The following DISC1 variants were observed in gnomAD, a reference collection of about 807,000 sequenced individuals.
DISC1 encodes the protein DISC1 scaffold protein.
A neutral mutation model predicts 84.5 loss-of-function variants in DISC1; 57 were observed. The observed-to-expected ratio is 0.67, with a 90% CI of 0.55 to 0.84. The LOEUF is 0.84. DISC1 is among the 40% of genes least tolerant of loss of function. The pLI, the probability that DISC1 is intolerant of heterozygous loss-of-function variation, is 0.00. For missense variants in DISC1, 1,000 were observed against 1,057.8 expected (o/e 0.95, Z 0.76); for synonymous variants, 411 against 415.2 (o/e 0.99, Z 0.12).
chr1:231,658,593 A>C (rs2061327798), intron 1 of DISC1, among the ~76,000 whole-genome samples: 1 of 152,208 alleles, frequency 6.6e-6, no homozygotes, highest in African/African-American at 2.4e-5. Context: ...TTGCCCAGTC[A>C]GTATGATATT....
chr1:231,873,956 C>T (rs565097162), intron 9 of DISC1, among the ~76,000 whole-genome samples: 1 of 152,190 alleles, frequency 6.6e-6, no homozygotes. Context: ...TCAAGCAACT[C>T]TCCTGCCTCG....
intron 9 of DISC1, among the ~76,000 whole-genome samples, chr1:231,883,756 T>TGC (rs1177067291): frequency 2.0e-5 from 3 of 152,076 alleles, no homozygotes; most frequent in African/African-American, 7.2e-5. Context: ...CTTCTCTAAC[T>TGC]ACATGGGGAT....
intron 2 of DISC1, 129 bp from the exon 3 acceptor site, chr1:231,701,826 G>GT (rs931226217): frequency 0.023 from 17,122 of 734,890 alleles, no homozygotes; most frequent in South Asian, 0.026. Flanking sequence ...GTGCATTTTT[G>GT]TTTTTTTTTT....
chr1:231,680,712 C>G (rs147350887), intron 1 of DISC1, among the ~76,000 whole-genome samples: 340 of 152,318 alleles, frequency 2.2e-3, no homozygotes, highest in African/African-American at 7.8e-3. Flanking sequence ...TAAGAACTTA[C>G]TTAAAAGATG....
At chr1:231,870,867 A>AT (rs2085407260) in intron 9 of DISC1, among the ~76,000 whole-genome samples, 1 of 152,240 alleles carries the variant, frequency 6.6e-6, no homozygotes. Flanking sequence ...TTTAGATTAT[A>AT]TTTTAAAGAA....
intron 9 of DISC1, among the ~76,000 whole-genome samples, chr1:231,905,962 A>G (rs562275604): frequency 6.7e-6 from 1 of 149,054 alleles, no homozygotes; most frequent in Non-Finnish European, 1.5e-5. Flanking sequence ...TTTGTACTAT[A>G]TTTGTAACTT....
At chr1:231,772,430 GAAGAA>G (rs2076623223) in intron 6 of DISC1, among the ~76,000 whole-genome samples, 1 of 152,196 alleles carries the variant, frequency 6.6e-6, no homozygotes, top group Non-Finnish European at 1.5e-5. Flanking sequence ...CCACTGTGCT[GAAGAA>G]AAGACTTCCT....
At chr1:231,736,794 G>T (rs2072564626) in intron 3 of DISC1, among the ~76,000 whole-genome samples, 1 of 152,172 alleles carries the variant, frequency 6.6e-6, no homozygotes, top group African/African-American at 2.4e-5. Context: ...GACATTGATT[G>T]CTTTGTAGCT....
At chr1:231,812,344 C>T (rs1284838177) in intron 8 of DISC1, among the ~76,000 whole-genome samples, 3 of 152,166 alleles carry the variant, frequency 2.0e-5, no homozygotes, top group Admixed American at 6.5e-5. Flanking sequence ...TGAGCCACCA[C>T]ACCTGGCTGA....
At chr1:231,737,804 A>G (rs920563492) in intron 3 of DISC1, among the ~76,000 whole-genome samples, 2 of 152,238 alleles carry the variant, frequency 1.3e-5, no homozygotes, top group Non-Finnish European at 2.9e-5. Flanking sequence ...AGCTGGATAC[A>G]TACGCCCGTT....
At chr1:231,637,647 C>T (rs1424862064) in intron 1 of DISC1, among the ~76,000 whole-genome samples, 1 of 151,732 alleles carries the variant, frequency 6.6e-6, no homozygotes, top group Non-Finnish European at 1.5e-5. Context: ...TTTCCAGTTC[C>T]ATCGATGTTG....
intron 10 of DISC1, among the ~76,000 whole-genome samples, chr1:231,971,536 C>T (rs1661955893): frequency 6.6e-6 from 1 of 152,162 alleles, no homozygotes; most frequent in Non-Finnish European, 1.5e-5. Flanking sequence ...TCATTTTGCT[C>T]CTTTTTCCCT....
At chr1:231,669,396 C>CT (rs1416282758) in intron 1 of DISC1, among the ~76,000 whole-genome samples, 4 of 152,090 alleles carry the variant, frequency 2.6e-5, no homozygotes, top group African/African-American at 9.7e-5. Flanking sequence ...AACTTAAGAG[C>CT]TTTTGCACAG....
At chr1:231,948,256 C>T (rs999455581) in intron 9 of DISC1, among the ~76,000 whole-genome samples, 2 of 152,124 alleles carry the variant, frequency 1.3e-5, no homozygotes, top group Non-Finnish European at 2.9e-5. Flanking sequence ...ACATATACAC[C>T]ATGGAATACT....
chr1:231,649,247 G>T (rs766301632), intron 1 of DISC1, among the ~76,000 whole-genome samples: 39 of 152,136 alleles, frequency 2.6e-4, no homozygotes, highest in Non-Finnish European at 5.3e-4. Context: ...AGAGATTCTG[G>T]TATGTTGTGT....
At chr1:231,628,757 T>C (rs1350233559) in intron 1 of DISC1, among the ~76,000 whole-genome samples, 1 of 152,228 alleles carries the variant, frequency 6.6e-6, no homozygotes, top group Non-Finnish European at 1.5e-5. Flanking sequence ...TTTTTTTCTT[T>C]AGGAGACAGA....
chr1:231,824,741 A>G (rs899378861), intron 9 of DISC1, among the ~76,000 whole-genome samples: 13 of 152,206 alleles, frequency 8.5e-5, no homozygotes, highest in Admixed American at 2.6e-4. Flanking sequence ...AATCATCTGC[A>G]TAGCACCTGA....
chr1:232,018,210 T>C (rs185446328), intron 11 of DISC1, among the ~76,000 whole-genome samples: 3 of 152,350 alleles, frequency 2.0e-5, no homozygotes, highest in Non-Finnish European at 4.4e-5. Context: ...TGATGAGATA[T>C]TGTTACCAGA....
chr1:231,795,384 C>A, intron 7 of DISC1, 88 bp downstream of exon 7: 1 of 1,197,362 alleles, frequency 8.4e-7, no homozygotes, highest in Non-Finnish European at 1.2e-6. Flanking sequence ...GGATACCTGG[C>A]TTCTGCAAAA....
Sources: allele counts gnomAD v4.1 joint callset (sites outside exome capture counted in the v4.1 genomes callset), GRCh38; gene constraint gnomAD v4.1.1; transcripts MANE v1.5; gene names NCBI Gene and HGNC (gene_info 2026-07-23, HGNC 2026-07-21).